COMMD10: variants seen among roughly 807,000 people sequenced by gnomAD.
COMMD10 encodes the protein COMM domain-containing protein 10.
A neutral mutation model predicts 28.9 loss-of-function variants in COMMD10; 33 were observed. That is an observed-to-expected ratio of 1.14 (90% CI 0.87 to 1.53). The LOEUF (loss-of-function observed/expected upper bound fraction) is 1.53, where lower values mean the gene tolerates loss of function less well. COMMD10 is among the 40% of genes most tolerant of loss of function. The probability of loss-of-function intolerance (pLI) is 0.00; values close to 1 mark genes in which losing one functional copy is unlikely to be tolerated. For missense variants in COMMD10, 310 were observed against 233.4 expected (o/e 1.33, Z -2.14); for synonymous variants, 110 against 81.7 (o/e 1.35, Z -1.87).
chr5:116,268,229 C>T (rs1281567691), intron 5 of COMMD10, among the ~76,000 whole-genome samples: 1 of 151,876 alleles, frequency 6.6e-6, no homozygotes, highest in Middle Eastern at 3.4e-3. Flanking sequence ...CCAGAATCTA[C>T]AAAGAACTTA....
chr5:116,233,021 G>A (rs961606713), intron 5 of COMMD10, among the ~76,000 whole-genome samples: 3 of 152,072 alleles, frequency 2.0e-5, no homozygotes, highest in Admixed American at 6.6e-5. Context: ...GTGGAGCACG[G>A]TAGCATTTAT....
At chr5:116,133,765 A>C (rs889645466) in intron 4 of COMMD10, among the ~76,000 whole-genome samples, 9 of 152,204 alleles carry the variant, frequency 5.9e-5, no homozygotes, top group African/African-American at 2.2e-4. Flanking sequence ...TTACTATTTA[A>C]TATTTAAAAA....
chr5:116,255,771 A>T (rs942868067), intron 5 of COMMD10: 1 of 150,366 alleles, frequency 6.7e-6, no homozygotes, highest in Admixed American at 6.6e-5. Flanking sequence ...GGCAAAAAAG[A>T]TACAACCCAT....
chr5:116,146,031 C>A (rs1243294904), intron 5 of COMMD10, among the ~76,000 whole-genome samples: 3 of 151,832 alleles, frequency 2.0e-5, no homozygotes. Flanking sequence ...CAAATAGATG[C>A]ATTATTTTCC....
rs189088817 is a variant in COMMD10 at position 116,167,889 on chromosome 5, T to G, written c.510+33711T>G. Among the ~76,000 whole-genome samples, 3 of 152,226 alleles carry G rather than the reference T, an allele frequency of 2.0e-5. No homozygotes were observed. The East Asian group carries it at 5.8e-4, about 29-fold the overall frequency. On this transcript the variant is annotated intron_variant, in intron 5 of 6. Coordinates refer to ENST00000274458, the MANE Select transcript of COMMD10 (RefSeq NM_016144.4). Reference sequence around the variant, plus strand: ...GCCACTGCAAAAACATACAAAATTGTAAAGACCATCGACACTATGAAGAAA... The same window carrying G: ...GCCACTGCAAAAACATACAAAATTGGAAAGACCATCGACACTATGAAGAAA...
chr5:116,097,473 G>T (rs1480383883), intron 4 of COMMD10, among the ~76,000 whole-genome samples: 3 of 152,076 alleles, frequency 2.0e-5, no homozygotes, highest in African/African-American at 7.2e-5. Flanking sequence ...GGCTGAGTTG[G>T]GATTTGACAA....
intron 5 of COMMD10, among the ~76,000 whole-genome samples, chr5:116,143,346 C>T (rs962899216): frequency 2.6e-5 from 4 of 151,542 alleles, no homozygotes; most frequent in African/African-American, 9.7e-5. Context: ...TATTAATACA[C>T]CATTAGAGGT....
chr5:116,191,381 G>A (rs965065463), intron 5 of COMMD10, among the ~76,000 whole-genome samples: 2 of 151,950 alleles, frequency 1.3e-5, no homozygotes, highest in Admixed American at 1.3e-4. Flanking sequence ...CAACTGGGTG[G>A]CGGATAGCCT....
chr5:116,251,281 TA>T (rs1291614606), intron 5 of COMMD10, among the ~76,000 whole-genome samples: 4 of 148,074 alleles, frequency 2.7e-5, no homozygotes, highest in African/African-American at 9.8e-5. Flanking sequence ...TTTATTTATT[TA>T]TTTATTTATT....
chr5:116,156,711 TAGA>T (rs1441607705), intron 5 of COMMD10, among the ~76,000 whole-genome samples: 4 of 152,198 alleles, frequency 2.6e-5, no homozygotes, highest in African/African-American at 7.2e-5. Context: ...CCCCTCAAGT[TAGA>T]AGAAGTTCTT....
At chr5:116,164,326 A>AC (rs1413238837) in intron 5 of COMMD10, among the ~76,000 whole-genome samples, 1 of 149,656 alleles carries the variant, frequency 6.7e-6, no homozygotes, top group African/African-American at 2.5e-5. Flanking sequence ...GTCTCAAAAA[A>AC]AATAAAAATA....
intron 5 of COMMD10, among the ~76,000 whole-genome samples, chr5:116,185,878 G>A (rs550721404): frequency 1.3e-5 from 2 of 151,978 alleles, no homozygotes; most frequent in Admixed American, 1.3e-4. Context: ...TCTCATTTCA[G>A]TGTCTGCAAG....
At chr5:116,214,309 T>C (rs1749044375) in intron 5 of COMMD10, among the ~76,000 whole-genome samples, 1 of 152,016 alleles carries the variant, frequency 6.6e-6, no homozygotes, top group South Asian at 2.1e-4. Context: ...TCCACTCTCA[T>C]GAAATTTACT....
chr5:116,123,327 CAT>C (rs1457467849), intron 4 of COMMD10, among the ~76,000 whole-genome samples: 5 of 152,124 alleles, frequency 3.3e-5, no homozygotes, highest in African/African-American at 7.2e-5. Context: ...CTGAGATAAT[CAT>C]GTGGTTTTTG....
At chr5:116,249,592 C>G (rs1750052160) in intron 5 of COMMD10, among the ~76,000 whole-genome samples, 1 of 151,942 alleles carries the variant, frequency 6.6e-6, no homozygotes, top group African/African-American at 2.4e-5. Context: ...ATATTCACAT[C>G]TACACCTTAT....
intron 5 of COMMD10, among the ~76,000 whole-genome samples, chr5:116,163,810 A>G (rs1753002346): frequency 6.6e-6 from 1 of 152,136 alleles, no homozygotes; most frequent in African/African-American, 2.4e-5. Flanking sequence ...ATGAAATTAT[A>G]TGTCTTTTTT....
At chr5:116,281,355 T>C (rs1751063818) in intron 5 of COMMD10, among the ~76,000 whole-genome samples, 1 of 151,824 alleles carries the variant, frequency 6.6e-6, no homozygotes, top group South Asian at 2.1e-4. Context: ...TGCAACATTA[T>C]CTAGGTACTC....
intron 4 of COMMD10, among the ~76,000 whole-genome samples, chr5:116,117,126 G>T (rs933262399): frequency 6.6e-6 from 1 of 152,008 alleles, no homozygotes; most frequent in African/African-American, 2.4e-5. Flanking sequence ...ATTGCTAAGT[G>T]TCATTCCATT....
chr5:116,225,496 G>A (rs1749371926), intron 5 of COMMD10, among the ~76,000 whole-genome samples: 1 of 151,618 alleles, frequency 6.6e-6, no homozygotes, highest in African/African-American at 2.4e-5. Flanking sequence ...AACTTCCTTG[G>A]GTTGAAACCA....
Sources: allele counts gnomAD v4.1 joint callset (sites outside exome capture counted in the v4.1 genomes callset), GRCh38; gene constraint gnomAD v4.1.1; transcripts MANE v1.5; gene names NCBI Gene and HGNC (gene_info 2026-07-23, HGNC 2026-07-21).